The following DLGAP2 variants were observed in gnomAD, a reference collection of about 807,000 sequenced individuals.
The protein encoded by DLGAP2 is disks large-associated protein 2.
A neutral mutation model predicts 100.3 loss-of-function variants in DLGAP2; 26 were observed. The ratio of observed to expected loss-of-function variants is 0.26; its 90% confidence interval spans 0.19 to 0.36. The LOEUF (loss-of-function observed/expected upper bound fraction) is 0.36. Ranked by LOEUF, DLGAP2 falls within the 10% of genes least tolerant of loss-of-function variation. The pLI is 1.00. For synonymous variants in DLGAP2, 886 were observed against 630.1 expected (o/e 1.41, Z -6.08); for missense variants, 1,858 against 1,453.2 (o/e 1.28, Z -4.53).
chr8:1,432,339 A>G (rs988987120), intron 3 of DLGAP2, among the ~76,000 whole-genome samples: 1 of 152,236 alleles, frequency 6.6e-6, no homozygotes, highest in African/African-American at 2.4e-5. Context: ...AAGAAATTCT[A>G]TGCACCTTAA....
At chr8:1,067,403 C>T (rs1803288885) in intron 2 of DLGAP2, among the ~76,000 whole-genome samples, 1 of 152,190 alleles carries the variant, frequency 6.6e-6, no homozygotes, top group African/African-American at 2.4e-5. Flanking sequence ...CACCTGGTGC[C>T]TGGGAAGCTG....
At chr8:1,609,979 C>T (rs1322064641) in intron 6 of DLGAP2, among the ~76,000 whole-genome samples, 6 of 151,450 alleles carry the variant, frequency 4.0e-5, no homozygotes, top group East Asian at 3.9e-4. Context: ...GACAGATCAA[C>T]GAGACAGAAA....
intron 2 of DLGAP2, among the ~76,000 whole-genome samples, chr8:985,149 C>CTGAGCA (rs1800449284): frequency 6.6e-6 from 1 of 152,158 alleles, no homozygotes; most frequent in Non-Finnish European, 1.5e-5. Context: ...AGGTCCCTGG[C>CTGAGCA]TGAGCATGGT....
At chr8:1,284,734 C>T (rs1331302766) in intron 3 of DLGAP2, among the ~76,000 whole-genome samples, 1 of 152,208 alleles carries the variant, frequency 6.6e-6, no homozygotes, top group African/African-American at 2.4e-5. Context: ...ACCTCAGCCT[C>T]CCGAGTAGCT....
chr8:1,388,973 G>T (rs1796282861), intron 3 of DLGAP2, among the ~76,000 whole-genome samples: 1 of 143,056 alleles, frequency 7.0e-6, no homozygotes, highest in Non-Finnish European at 1.5e-5. Context: ...GGCCGTGGAT[G>T]AGGAGGCGCT....
At chr8:1,238,580 G>T in intron 2 of DLGAP2, among the ~76,000 whole-genome samples, 1 of 78,554 alleles carries the variant, frequency 1.3e-5, no homozygotes. Context: ...ATGGCGCCGT[G>T]TCTAGTTACC....
At chr8:1,342,074 C>A (rs935068562) in intron 3 of DLGAP2, among the ~76,000 whole-genome samples, 2 of 152,012 alleles carry the variant, frequency 1.3e-5, no homozygotes, top group African/African-American at 4.8e-5. Flanking sequence ...CCTCAGCTTC[C>A]CAGGTAGCTG....
At chr8:1,355,529 T>C (rs948228907) in intron 3 of DLGAP2, among the ~76,000 whole-genome samples, 7 of 152,054 alleles carry the variant, frequency 4.6e-5, no homozygotes, top group African/African-American at 1.7e-4. Flanking sequence ...CATGCTTGGC[T>C]AATTTTTGTA....
intron 4 of DLGAP2, among the ~76,000 whole-genome samples, chr8:1,502,540 G>A (rs1038062537): frequency 7.2e-5 from 11 of 152,126 alleles, no homozygotes; most frequent in Non-Finnish European, 1.2e-4. Flanking sequence ...GCTAACTGAC[G>A]TTCTACACAG....
At chr8:1,164,841 G>A (rs1339698380) in intron 2 of DLGAP2, among the ~76,000 whole-genome samples, 1 of 152,108 alleles carries the variant, frequency 6.6e-6, no homozygotes, top group African/African-American at 2.4e-5. Context: ...AGGTCCCTTT[G>A]TCAGCGTTGC....
At chr8:1,586,538 C>T (rs934069951) in intron 6 of DLGAP2, among the ~76,000 whole-genome samples, 4 of 152,198 alleles carry the variant, frequency 2.6e-5, no homozygotes, top group African/African-American at 2.4e-5. Context: ...CTCACTACCC[C>T]GGGGTCTGCT....
At chr8:1,063,738 A>T (rs1030503509) in intron 2 of DLGAP2, among the ~76,000 whole-genome samples, 1 of 152,182 alleles carries the variant, frequency 6.6e-6, no homozygotes, top group Non-Finnish European at 1.5e-5. Flanking sequence ...AGCATGGCCA[A>T]TAGGAAGATG....
intron 8 of DLGAP2, among the ~76,000 whole-genome samples, chr8:1,641,099 G>C (rs533002681): frequency 6.6e-6 from 1 of 152,138 alleles, no homozygotes; most frequent in African/African-American, 2.4e-5. Context: ...GGAGCCCCTG[G>C]TCTGTGCTGT....
At chr8:1,330,491 G>T (rs1187783501) in intron 3 of DLGAP2, among the ~76,000 whole-genome samples, 5 of 146,504 alleles carry the variant, frequency 3.4e-5, no homozygotes, top group African/African-American at 7.6e-5. Context: ...ACTGAGTTTT[G>T]GGTGGGAGCA....
intron 1 of DLGAP2, among the ~76,000 whole-genome samples, chr8:849,124 G>A (rs899478671): frequency 1.3e-5 from 2 of 150,136 alleles, no homozygotes; most frequent in Admixed American, 6.6e-5. Context: ...TGTCTGTTCT[G>A]GTATAGGATC....
intron 7 of DLGAP2, among the ~76,000 whole-genome samples, chr8:1,632,535 A>T (rs963795876): frequency 3.3e-5 from 5 of 152,172 alleles, no homozygotes; most frequent in Non-Finnish European, 7.3e-5. Context: ...TAAAAGTTCT[A>T]TCTCTCTTAC....
chr8:1,314,830 C>T (rs944468125), intron 3 of DLGAP2, among the ~76,000 whole-genome samples: 1 of 152,238 alleles, frequency 6.6e-6, no homozygotes, highest in Admixed American at 6.5e-5. Context: ...CAGGATTGAA[C>T]CTGTCACCAA....
At chr8:965,361 C>A (rs1202368790) in intron 2 of DLGAP2, among the ~76,000 whole-genome samples, 1 of 80,012 alleles carries the variant, frequency 1.2e-5, no homozygotes, top group Non-Finnish European at 2.4e-5. Context: ...GCTCCTGAGT[C>A]TGACCCCTGC....
At chr8:1,578,345 T>G (rs191041345) in intron 6 of DLGAP2, among the ~76,000 whole-genome samples, 1 of 152,334 alleles carries the variant, frequency 6.6e-6, no homozygotes, top group Admixed American at 6.5e-5. Flanking sequence ...GTGATAGGTA[T>G]GGGTTCAGGT....
Sources: allele counts gnomAD v4.1 joint callset (sites outside exome capture counted in the v4.1 genomes callset), GRCh38; gene constraint gnomAD v4.1.1; transcripts MANE v1.5; gene names NCBI Gene and HGNC (gene_info 2026-07-23, HGNC 2026-07-21).